The following UCHL3 variants were observed in gnomAD, a reference collection of about 807,000 sequenced individuals.
UCHL3 encodes the protein ubiquitin carboxyl-terminal hydrolase isozyme L3.
A neutral mutation model predicts 35.8 loss-of-function variants in UCHL3; 22 were observed. That is an observed-to-expected ratio of 0.61 (90% CI 0.44 to 0.88). UCHL3 has a LOEUF of 0.88. Ranked by LOEUF, UCHL3 falls within the 40% of genes least tolerant of loss-of-function variation. The pLI, the probability that UCHL3 is intolerant of heterozygous loss-of-function variation, is 0.00. For missense variants in UCHL3, 229 were observed against 276.9 expected, an observed-to-expected ratio of 0.83 and a Z score of 1.23; for synonymous variants, 90 against 92.8, an observed-to-expected ratio of 0.97 and a Z score of 0.17.
At chr13:75,573,750 T>C (rs1298882632) in intron 6 of UCHL3, among the ~76,000 whole-genome samples, 5 of 152,168 alleles carry the variant, frequency 3.3e-5, no homozygotes, top group African/African-American at 1.2e-4. Context: ...CAATGCCAAG[T>C]TTTCAAATAT....
At chr13:75,597,935 T>A (rs2032686845) in intron 7 of UCHL3, among the ~76,000 whole-genome samples, 1 of 152,184 alleles carries the variant, frequency 6.6e-6, no homozygotes, top group South Asian at 2.1e-4. Context: ...TCCCTTTTCC[T>A]TGGGGCCTCA....
chr13:75,557,107 T>TG (rs2031318834), intron 2 of UCHL3, among the ~76,000 whole-genome samples: 2 of 152,040 alleles, frequency 1.3e-5, no homozygotes, highest in South Asian at 4.1e-4. Context: ...CTCAGCTATC[T>TG]GGGAGGCTGA....
At chr13:75,563,596 A>G (rs1248478473) in intron 3 of UCHL3, among the ~76,000 whole-genome samples, 6 of 152,216 alleles carry the variant, frequency 3.9e-5, no homozygotes, top group African/African-American at 7.2e-5. Context: ...TAATATATCT[A>G]TCATCACATA....
chr13:75,602,464 C>T (rs1348162249), intron 7 of UCHL3, among the ~76,000 whole-genome samples: 1 of 152,186 alleles, frequency 6.6e-6, no homozygotes. Context: ...GGTTACATGA[C>T]CCATGTACAA....
intron 5 of UCHL3, 37 bp from the exon 6 acceptor site, chr13:75,569,423 G>A: frequency 1.8e-5 from 28 of 1,536,042 alleles, no homozygotes; most frequent in Non-Finnish European, 2.5e-5. Context: ...TTGAGTATAG[G>A]CATTTTTTCC....
intron 8 of UCHL3, 90 bp from the exon 9 acceptor site, chr13:75,605,639 T>C (rs2032920075): frequency 7.9e-7 from 1 of 1,272,198 alleles, no homozygotes; most frequent in African/African-American, 1.5e-5. Flanking sequence ...AGTGTAAAAT[T>C]AGTATGAATT....
intron 7 of UCHL3, among the ~76,000 whole-genome samples, chr13:75,601,967 G>A (rs1248909373): frequency 6.6e-6 from 1 of 152,018 alleles, no homozygotes; most frequent in South Asian, 2.1e-4. Flanking sequence ...AAATTAGCTG[G>A]GTGTGGTGGT....
In UCHL3 at chr13:75,599,380, A is replaced by G. The variant is rs1033984902; in HGVS notation, c.550+4390A>G. Reference sequence around the variant, plus strand: ...AGAATTTCCTCATTTTAAGGATAGTAATAATACAGGAATACCTCATTTGAC... The same window carrying G: ...AGAATTTCCTCATTTTAAGGATAGTGATAATACAGGAATACCTCATTTGAC... On this transcript the variant is annotated intron_variant, in intron 7 of 8. Transcript: ENST00000377595. 3.6e-4 allele frequency among the ~76,000 whole-genome samples: 55 copies of G among 152,188 alleles called. 1 individual carries two copies. Among genetic ancestry groups the G allele is most frequent in the South Asian group, 2.1e-4 (1 of 4,832 alleles).
intron 6 of UCHL3, among the ~76,000 whole-genome samples, chr13:75,573,255 ACT>A (rs2031917710): frequency 8.1e-6 from 1 of 124,198 alleles, no homozygotes; most frequent in South Asian, 2.9e-4. Context: ...CAAGAGCGAG[ACT>A]CTGTCTCAGA....
intron 6 of UCHL3, among the ~76,000 whole-genome samples, chr13:75,577,284 G>A (rs903326194): frequency 4.6e-5 from 7 of 152,052 alleles, no homozygotes; most frequent in Admixed American, 2.6e-4. Flanking sequence ...AAAAAAGATG[G>A]TTGTGTCTGT....
intron 6 of UCHL3, chr13:75,590,128 T>C: frequency 7.7e-7 from 1 of 1,303,148 alleles, no homozygotes; most frequent in Non-Finnish European, 1.0e-6. Context: ...CTCCATTCTG[T>C]TGTAAGTTTA....
intron 7 of UCHL3, among the ~76,000 whole-genome samples, chr13:75,595,858 TCAGA>T (rs2032634354): frequency 1.3e-5 from 2 of 151,858 alleles, no homozygotes; most frequent in Admixed American, 6.6e-5. Flanking sequence ...CATAATTTAC[TCAGA>T]CAGAATAAAC....
At chr13:75,577,726 A>G (rs1458759096) in intron 6 of UCHL3, among the ~76,000 whole-genome samples, 1 of 152,222 alleles carries the variant, frequency 6.6e-6, no homozygotes, top group African/African-American at 2.4e-5. Flanking sequence ...GTGAAGAAAT[A>G]TCAGTGATGT....
At chr13:75,589,975 A>G in intron 6 of UCHL3, 4 of 1,304,760 alleles carry the variant, frequency 3.1e-6, no homozygotes, top group Non-Finnish European at 4.0e-6. Flanking sequence ...CATTCTAGCC[A>G]CTGCAGAACG....
intron 6 of UCHL3, among the ~76,000 whole-genome samples, chr13:75,589,699 A>G (rs2032423658): frequency 6.6e-6 from 1 of 152,222 alleles, no homozygotes; most frequent in Non-Finnish European, 1.5e-5. Flanking sequence ...AAATGAGGAT[A>G]TGTGAATATT....
chr13:75,570,986 T>C (rs902148293), intron 6 of UCHL3, among the ~76,000 whole-genome samples: 2 of 152,180 alleles, frequency 1.3e-5, no homozygotes, highest in Non-Finnish European at 2.9e-5. Context: ...TGACTAAGTT[T>C]ATCCATACAC....
At chr13:75,592,415 C>CATAT (rs546657200) in intron 6 of UCHL3, among the ~76,000 whole-genome samples, 4 of 40,642 alleles carry the variant, frequency 9.8e-5, no homozygotes, top group South Asian at 7.6e-4. Context: ...ATTTTTCCTT[C>CATAT]ATATATATAT....
chr13:75,591,960 T>C (rs1179448922), intron 6 of UCHL3, among the ~76,000 whole-genome samples: 2 of 152,080 alleles, frequency 1.3e-5, no homozygotes, highest in Non-Finnish European at 2.9e-5. Flanking sequence ...ATCCTGTTGG[T>C]GCTCAAAAAG....
chr13:75,591,473 A>G (rs767313704), intron 6 of UCHL3, among the ~76,000 whole-genome samples: 3 of 152,196 alleles, frequency 2.0e-5, no homozygotes, highest in Non-Finnish European at 4.4e-5. Context: ...CATGAGCACA[A>G]TTGATCCAAT....
Sources: gnomAD v4.1 joint callset for allele counts (sites outside exome capture counted in the v4.1 genomes callset) on GRCh38, gnomAD v4.1.1 for gene constraint, MANE v1.5 for transcripts, NCBI Gene and HGNC (gene_info 2026-07-23, HGNC 2026-07-21) for gene names.